Variants in ROBO1 observed in about 807,000 individuals in gnomAD.
ROBO1 encodes the protein roundabout homolog 1.
ROBO1 carries 149 observed loss-of-function variants against 195.9 expected under a neutral mutation model. The observed-to-expected ratio is 0.76, with a 90% CI of 0.67 to 0.87. The LOEUF is 0.87. Ranked by LOEUF, ROBO1 falls within the 40% of genes least tolerant of loss-of-function variation. The probability of loss-of-function intolerance (pLI) is 0.00; values close to 1 mark genes in which losing one functional copy is unlikely to be tolerated. For synonymous variants in ROBO1, 816 were observed against 733.2 expected (o/e 1.11, Z -1.82); for missense variants, 1,933 against 2,068.3 (o/e 0.93, Z 1.27).
chr3:78,645,892 C>T (rs1001276732), intron 21 of ROBO1, among the ~76,000 whole-genome samples: 5 of 152,018 alleles, frequency 3.3e-5, no homozygotes, highest in Non-Finnish European at 7.4e-5. Context: ...TAATCATTTG[C>T]TAAATCAGCA....
At chr3:79,704,555 G>A (rs1375193267) in intron 1 of ROBO1, among the ~76,000 whole-genome samples, 4 of 151,870 alleles carry the variant, frequency 2.6e-5, no homozygotes, top group Non-Finnish European at 5.9e-5. Context: ...TCTATTGTCT[G>A]CATTAACACT....
intron 4 of ROBO1, among the ~76,000 whole-genome samples, chr3:78,821,456 G>A (rs1370924881): frequency 2.6e-5 from 4 of 152,032 alleles, no homozygotes; most frequent in Non-Finnish European, 5.9e-5. Flanking sequence ...GAGCCACTGT[G>A]CCCAGCCGAT....
At chr3:78,802,707 G>GCATCAT (rs58983750) in intron 4 of ROBO1, among the ~76,000 whole-genome samples, 10 of 149,634 alleles carry the variant, frequency 6.7e-5, no homozygotes, top group South Asian at 4.2e-4. Flanking sequence ...CTGCGGTCTA[G>GCATCAT]CATCATCATC....
chr3:79,318,894 G>T (rs929560913), intron 2 of ROBO1, among the ~76,000 whole-genome samples: 2 of 152,132 alleles, frequency 1.3e-5, no homozygotes. Context: ...CCACATTTTA[G>T]AGAGTAAAAA....
chr3:79,558,182 C>T (rs1942781128), intron 2 of ROBO1, among the ~76,000 whole-genome samples: 1 of 152,038 alleles, frequency 6.6e-6, no homozygotes, highest in African/African-American at 2.4e-5. Flanking sequence ...CCAAGTGTGC[C>T]TGCCTCTCCT....
chr3:79,182,730 AG>A (rs1016527749), intron 2 of ROBO1, among the ~76,000 whole-genome samples: 5 of 152,106 alleles, frequency 3.3e-5, no homozygotes, highest in Admixed American at 6.5e-5. Context: ...AAAGAGAAAA[AG>A]TTTCAAGTGA....
chr3:79,299,703 G>T (rs945365796), intron 2 of ROBO1, among the ~76,000 whole-genome samples: 3 of 152,068 alleles, frequency 2.0e-5, no homozygotes, highest in Non-Finnish European at 4.4e-5. Context: ...TAAAGCGTGT[G>T]TTGATGAAAT....
At chr3:78,651,566 G>T (rs1706660772) in intron 19 of ROBO1, among the ~76,000 whole-genome samples, 166 bp downstream of exon 19, 1 of 152,130 alleles carries the variant, frequency 6.6e-6, no homozygotes, top group Admixed American at 6.6e-5. Flanking sequence ...CTATGTAAGA[G>T]AAGTTAATAT....
chr3:78,668,644 A>G, intron 11 of ROBO1, 79 bp from the exon 12 acceptor site: 1 of 1,277,326 alleles, frequency 7.8e-7, no homozygotes, highest in Non-Finnish European at 1.1e-6. Flanking sequence ...AGGTTTGTAT[A>G]TGATCCATGA....
At chr3:79,107,127 T>TCTCTCTCTCA (rs1370578718) in intron 3 of ROBO1, among the ~76,000 whole-genome samples, 3 of 136,388 alleles carry the variant, frequency 2.2e-5, no homozygotes, top group African/African-American at 8.0e-5. Flanking sequence ...TCTCTCTCTC[T>TCTCTCTCTCA]CACACACACA....
chr3:79,446,203 A>C (rs1173968318), intron 2 of ROBO1, among the ~76,000 whole-genome samples: 2 of 152,218 alleles, frequency 1.3e-5, no homozygotes, highest in Non-Finnish European at 2.9e-5. Flanking sequence ...TTTAATTTAT[A>C]CAAATCTTTA....
At chr3:79,389,046 A>G (rs2036853424) in intron 2 of ROBO1, among the ~76,000 whole-genome samples, 1 of 152,054 alleles carries the variant, frequency 6.6e-6, no homozygotes, top group African/African-American at 2.4e-5. Flanking sequence ...AATAAAATTA[A>G]TTATATATTT....
At chr3:79,722,182 A>T (rs1224628704) in intron 1 of ROBO1, among the ~76,000 whole-genome samples, 4 of 75,392 alleles carry the variant, frequency 5.3e-5, no homozygotes, top group Non-Finnish European at 1.3e-4. Context: ...AAACTAATTT[A>T]AATGTTAAAA....
chr3:78,644,291 A>T (rs1182196735), intron 21 of ROBO1, among the ~76,000 whole-genome samples: 3 of 152,066 alleles, frequency 2.0e-5, no homozygotes, highest in African/African-American at 7.2e-5. Context: ...TTTATTATTC[A>T]TCTCGCATTT....
In ROBO1 at chr3:79,267,579, C is replaced by G. The variant is rs149216823; in HGVS notation, c.89-142040G>C. Among the ~76,000 whole-genome samples the G allele has an allele frequency of 2.5e-4, 37 of 149,038 alleles. No individual in the cohort carries two copies. In the East Asian group the frequency reaches 7.3e-3, roughly 29 times the overall value. On this transcript the variant is annotated intron_variant, in intron 2 of 30. Coordinates refer to ENST00000464233, the MANE Select transcript of ROBO1 (RefSeq NM_002941.4). ...TTTTTTTGTCACTTCACTATTGAAT[C>G]TACTAAAAATTGGAAAGCTTGGAAA...
At chr3:79,411,448 GC>G (rs149466651) in intron 2 of ROBO1, among the ~76,000 whole-genome samples, 5,234 of 152,202 alleles carry the variant, frequency 0.034, 202 homozygotes, top group African/African-American at 0.098. Flanking sequence ...TAAAGTATCA[GC>G]TTTTAAGTTA....
chr3:79,459,250 TC>T (rs2039720752), intron 2 of ROBO1, among the ~76,000 whole-genome samples: 1 of 152,146 alleles, frequency 6.6e-6, no homozygotes, highest in Non-Finnish European at 1.5e-5. Context: ...TGAACACAAT[TC>T]TCTTTAAAAT....
intron 2 of ROBO1, among the ~76,000 whole-genome samples, chr3:79,388,952 A>G (rs1459059596): frequency 6.6e-6 from 1 of 152,120 alleles, no homozygotes; most frequent in Non-Finnish European, 1.5e-5. Flanking sequence ...TAATGCCAGC[A>G]TAATTTTAAA....
intron 2 of ROBO1, among the ~76,000 whole-genome samples, chr3:79,578,935 A>C (rs898419347): frequency 1.8e-4 from 27 of 152,342 alleles, no homozygotes; most frequent in African/African-American, 6.3e-4. Context: ...ACTAGTTGCC[A>C]GTGAACATTC....
Sources: gnomAD v4.1 joint callset for allele counts (sites outside exome capture counted in the v4.1 genomes callset) on GRCh38, gnomAD v4.1.1 for gene constraint, MANE v1.5 for transcripts, NCBI Gene and HGNC (gene_info 2026-07-23, HGNC 2026-07-21) for gene names.